Variants in ZNF526 observed in about 807,000 individuals in gnomAD.
ZNF526 encodes the protein zinc finger protein 526.
In ZNF526, 16 loss-of-function variants were observed where a neutral mutation model predicts 32.4. That is an observed-to-expected ratio of 0.49 (90% confidence interval 0.33 to 0.75). The LOEUF is 0.75. Among genes scored for constraint, ZNF526 ranks in the 30% least tolerant of loss-of-function variants. The pLI is 0.02. For synonymous variants in ZNF526, 355 were observed against 363.4 expected (o/e 0.98, Z 0.26); for missense variants, 838 against 920.7 (o/e 0.91, Z 1.16).
chr19:42,223,699 C>G (rs2036143492), intron 1 of ZNF526, among the ~76,000 whole-genome samples: 1 of 151,332 alleles, frequency 6.6e-6, no homozygotes, highest in Admixed American at 6.6e-5. Flanking sequence ...CACTTGTAGT[C>G]CCAGCTACTC....
rs1249478892 is a variant in ZNF526 at position 42,227,218 on chromosome 19, TC to T, written c.*803del. 6.0e-6 allele frequency: 1 copy of T among 167,030 alleles called. No individual in the cohort carries two copies. The highest frequency in any genetic ancestry group is 1.5e-5 in the Non-Finnish European group (1 of 68,314). 10.3% of individuals were successfully genotyped at this position (167,030 alleles called of 1,614,324 possible). On this transcript the variant is annotated 3_prime_UTR_variant, in exon 3 of 3. Coordinates refer to ENST00000301215, the MANE Select transcript of ZNF526 (RefSeq NM_133444.3). ...GGAAACAGACCTCCATGGTGGGAGATCAGGAGTTAAGGACTTCCTAGAGAAG... is the reference window on the plus strand; with the variant it reads ...GGAAACAGACCTCCATGGTGGGAGATAGGAGTTAAGGACTTCCTAGAGAAG...
At chr19:42,223,296 CAA>C in intron 1 of ZNF526, among the ~76,000 whole-genome samples, 1 of 152,122 alleles carries the variant, frequency 6.6e-6, no homozygotes, top group African/African-American at 2.4e-5. Context: ...ATCACGAGGG[CAA>C]GAGATCGAGA....
In ZNF526 at chr19:42,226,818, T is replaced by C. The variant is rs2036186253; in HGVS notation, c.*402T>C. 11 of 315,156 alleles carry C rather than the reference T, an allele frequency of 3.5e-5. No homozygotes were observed. In the South Asian group the frequency reaches 3.5e-4, roughly 10 times the overall value. The allele number at this position is 315,156 out of a possible 1,614,324, so 19.5% of individuals were successfully genotyped here. On this transcript the variant is annotated 3_prime_UTR_variant, in exon 3 of 3. Coordinates refer to ENST00000301215, the MANE Select transcript of ZNF526 (RefSeq NM_133444.3). Reference sequence around the variant, plus strand: ...CTGCTTGTACCCCCAGCCCTTGCCTTCCCTGGATTTTGGGCACCCAGGACT... The same window carrying C: ...CTGCTTGTACCCCCAGCCCTTGCCTCCCCTGGATTTTGGGCACCCAGGACT...
Position 42,225,738 on chromosome 19 carries a change from A to T in ZNF526, c.1335A>T (p.Pro445=). ...CCCCACCTGCCCAGCTGCCCTGCCC[A>T]CAGTGCTCCAAGTCCTTTGCCTCAG... ...PPAPPAQLPC[P]QCSKSFASAS... is the part of the protein sequence containing the mutation. Residue 445 remains proline (P), a synonymous_variant, in exon 3 of 3, where the codon CCA becomes CCT. Transcript: ENST00000301215. The T allele has an allele frequency of 2.4e-6, 3 of 1,273,706 alleles. No homozygotes were observed. Among genetic ancestry groups the T allele is most frequent in the Non-Finnish European group, 3.1e-6 (3 of 969,552 alleles). 78.9% of individuals were successfully genotyped at this position (1,273,706 alleles called of 1,614,324 possible). A position where few individuals can be genotyped will look rare whatever the true frequency, so the allele number is the denominator to read the frequency against.
rs1476268761 is a variant in ZNF526, at chr19:42,224,485, G to A, written c.82G>A (p.Ala28Thr). ...GAVEMSTPMS[A>T]EMMEMSTEVT... ...AGTGGAGATGTCAACACCTATGTCG[G>A]CAGAGATGATGGAGATGTCAACAGA... The change falls in exon 3 of 3, where the codon GCA (alanine) becomes ACA (threonine). Residue 28 changes from alanine (A) to threonine (T), a missense_variant. By Grantham distance (58) the Ala-to-Thr change is moderately conservative (BLOSUM62 0). Coordinates refer to ENST00000301215, the MANE Select transcript of ZNF526 (RefSeq NM_133444.3). The A allele has an allele frequency of 5.6e-6, 9 of 1,614,112 alleles. No individual in the cohort carries two copies. In the Admixed American group the frequency reaches 6.7e-5, roughly 12 times the overall value.
chr19:42,227,911 A>G lies in ZNF526; in HGVS notation c.*1495A>G, dbSNP rs1281018083. ...CAAGACCTCATCTCTACAAAACTTA[A>G]AAGTTAGCCAGGCCTGGTGGCACAT... On this transcript the variant is annotated 3_prime_UTR_variant, in exon 3 of 3. Coordinates refer to ENST00000301215, the MANE Select transcript of ZNF526 (RefSeq NM_133444.3). 6.6e-6 allele frequency: 1 copy of G among 152,032 alleles called. No individual in the cohort carries two copies. The highest frequency in any genetic ancestry group is 1.5e-5 in the Non-Finnish European group (1 of 67,996). 9.4% of individuals were successfully genotyped at this position (152,032 alleles called of 1,614,324 possible).
intron 1 of ZNF526, among the ~76,000 whole-genome samples, chr19:42,223,685 C>T (rs1232132541): frequency 1.3e-5 from 2 of 151,424 alleles, no homozygotes; most frequent in East Asian, 1.9e-4. Context: ...GGCATGGTGG[C>T]GCACACTTGT....
In ZNF526 at chr19:42,225,095, TGGA is replaced by T. The variant is rs771898783; in HGVS notation, c.702_704del (p.Glu236del). The T allele has an allele frequency of 1.1e-5, 17 of 1,613,940 alleles. 1 individual carries two copies. The highest frequency in any genetic ancestry group is 5.3e-5 in the African/African-American group (4 of 74,946). Reference sequence around the variant, plus strand: ...CTAGAGAAAGAGGAGCGCAATGGGTTGGAGGAGGAGGAAGAGGACGATGAGGAG... The same window carrying T: ...CTAGAGAAAGAGGAGCGCAATGGGTTGGAGGAGGAAGAGGACGATGAGGAG... On this transcript the variant is annotated inframe_deletion, in exon 3 of 3. Transcript: ENST00000301215.
At position 42,225,891 on chromosome 19, in the gene ZNF526, T is replaced by C. The variant is rs1448676543; in HGVS notation, c.1488T>C (p.Gly496=). The C allele has an allele frequency of 1.9e-6, 3 of 1,614,054 alleles. No homozygotes were observed. In the Admixed American group the frequency reaches 5.0e-5, roughly 27 times the overall value. Residue 496 remains glycine, a synonymous_variant, in exon 3 of 3, where the codon GGT becomes GGC. Transcript: ENST00000301215. ...HVRNHLRTHT[G]ERPFQCHSCG... is the part of the protein sequence containing the mutation. ...GCAACCACCTGCGGACACACACGGG[T>C]GAGAGGCCCTTCCAGTGCCACTCAT...
intron 1 of ZNF526, among the ~76,000 whole-genome samples, chr19:42,222,717 A>G (rs762182537): frequency 6.6e-6 from 1 of 152,190 alleles, no homozygotes; most frequent in Non-Finnish European, 1.5e-5. Flanking sequence ...CCAGTGAGGA[A>G]CAGTGAGATG....
chr19:42,225,266 G>C lies in ZNF526; in HGVS notation c.863G>C (p.Arg288Pro), dbSNP rs745655807. ...CAGCACCAGCCCTCAGCAGGGGCTC[G>C]CCGGCAACACCGGCGGACGGCTCAC... ...CPQHQPSAGA[R>P]RQHRRTAHSP... Residue 288 changes from arginine (R) to proline (P), a missense_variant, in exon 3 of 3, where the codon CGC becomes CCC. By Grantham distance (103) the Arg-to-Pro change is moderately radical. Transcript: ENST00000301215. 1.9e-6 allele frequency: 3 copies of C among 1,613,346 alleles called. No individual in the cohort carries two copies. In the African/African-American group the frequency reaches 4.0e-5, roughly 22 times the overall value.
intron 1 of ZNF526, among the ~76,000 whole-genome samples, chr19:42,221,581 C>T (rs749210011): frequency 1.6e-4 from 24 of 151,794 alleles, no homozygotes; most frequent in Non-Finnish European, 2.2e-4. Context: ...TGCAGTGAGC[C>T]GAGATCGTGC....
intron 1 of ZNF526, among the ~76,000 whole-genome samples, chr19:42,223,253 A>G (rs754504795): frequency 4.6e-5 from 7 of 152,206 alleles, no homozygotes; most frequent in Non-Finnish European, 1.0e-4. Flanking sequence ...TCACACCTGT[A>G]ATCCCAGCAC....
intron 1 of ZNF526, among the ~76,000 whole-genome samples, chr19:42,223,579 T>C (rs1267745290): frequency 1.3e-5 from 2 of 152,002 alleles, no homozygotes; most frequent in African/African-American, 4.8e-5. Flanking sequence ...AGGCAGAGCT[T>C]GCAGTGAGCA....
chr19:42,224,773 C>T lies in ZNF526; in HGVS notation c.370C>T (p.Leu124=), dbSNP rs758422645. 19 of 1,614,036 alleles carry T rather than the reference C, an allele frequency of 1.2e-5. No homozygotes were observed. In the East Asian group the frequency reaches 4.0e-4, roughly 34 times the overall value. The change falls in exon 3 of 3, where the codon CTG becomes TTG. Residue 124 remains leucine, a synonymous_variant. Transcript: ENST00000301215. ...SQLILSPGEL[L]AHQDAHLRES... ...GCTCATCCTCTCCCCTGGGGAGCTC[C>T]TGGCCCACCAGGATGCCCACCTCCG...
Position 42,225,409 on chromosome 19 carries a change from A to G in ZNF526, c.1006A>G (p.Thr336Ala), listed in dbSNP as rs372560674. The change falls in exon 3 of 3, where the codon ACC becomes GCC. Residue 336 changes from threonine (T) to alanine (A), a missense_variant. Physicochemically the swap from Thr to Ala is moderately conservative, Grantham distance 58. Coordinates refer to ENST00000301215, the MANE Select transcript of ZNF526 (RefSeq NM_133444.3). ...TGTTGGTGGCACACATGAGTGTACA[A>G]CCTGCTCCAAGGTCTTCAAGAAAGC... is the stretch of plus-strand genomic sequence containing the variant. ...AHVGGTHECTTCSKVFKKAAS... is the reference protein window; with the variant it reads ...AHVGGTHECTACSKVFKKAAS... The G allele has an allele frequency of 5.6e-6, 9 of 1,613,928 alleles. No homozygotes were observed. Among genetic ancestry groups the G allele is most frequent in the Admixed American group, 5.0e-5 (3 of 60,014 alleles).
chr19:42,226,177 C>G lies in ZNF526; in HGVS notation c.1774C>G (p.Gln592Glu). Residue 592 changes from glutamine to glutamate, a missense_variant, in exon 3 of 3, where the codon CAG becomes GAG. Coordinates refer to ENST00000301215, the MANE Select transcript of ZNF526 (RefSeq NM_133444.3). ...FRAMAGLRLHQRVHARARTLT... is the reference protein window; with the variant it reads ...FRAMAGLRLHERVHARARTLT... ...CGCCATGGCGGGCTTGCGACTGCAT[C>G]AGCGGGTCCATGCCCGAGCTCGGAC... 6.2e-7 allele frequency: 1 copy of G among 1,608,516 alleles called. No homozygotes were observed. The highest frequency in any genetic ancestry group is 1.1e-5 in the South Asian group (1 of 91,088).
chr19:42,223,284 G>A lies in ZNF526; in HGVS notation c.-108-931G>A, dbSNP rs553611182. ...AGCACTTTGGGAGGCCGAGGCAGGC[G>A]GATCACGAGGGCAAGAGATCGAGAC... On this transcript the variant is annotated intron_variant, in intron 1 of 2. Transcript: ENST00000301215. 2.3e-3 allele frequency among the ~76,000 whole-genome samples: 343 copies of A among 151,974 alleles called. 2 individuals carry two copies. The highest frequency in any genetic ancestry group is 7.9e-3 in the African/African-American group (326 of 41,466).
intron 1 of ZNF526, among the ~76,000 whole-genome samples, chr19:42,221,950 C>T (rs2036128614): frequency 6.6e-6 from 1 of 152,156 alleles, no homozygotes; most frequent in Admixed American, 6.5e-5. Context: ...AGATGTGAGC[C>T]ACCACACCTG....
Sources: allele counts gnomAD v4.1 joint callset (sites outside exome capture counted in the v4.1 genomes callset), GRCh38; gene constraint gnomAD v4.1.1; transcripts MANE v1.5; gene names NCBI Gene and HGNC (gene_info 2026-07-23, HGNC 2026-07-21).